The following ELK4 variants were observed in gnomAD, a reference collection of about 807,000 sequenced individuals.
ELK4 encodes the protein ETS domain-containing protein Elk-4.
A neutral mutation model predicts 29.6 loss-of-function variants in ELK4; 16 were observed. The observed-to-expected ratio is 0.54, with a 90% CI of 0.37 to 0.82. The LOEUF (loss-of-function observed/expected upper bound fraction) is 0.82. Among genes scored for constraint, ELK4 ranks in the 40% least tolerant of loss-of-function variants. ELK4 has a pLI of 0.00. For missense variants in ELK4, 465 were observed against 507.1 expected, an observed-to-expected ratio of 0.92 and a Z score of 0.80; for synonymous variants, 213 against 191.1, an observed-to-expected ratio of 1.11 and a Z score of -0.95.
rs1226387210 is a variant in ELK4, at chr1:205,631,964, G to C, written c.-342C>G. 1 of 151,312 alleles carries C rather than the reference G, an allele frequency of 6.6e-6. No individual in the cohort carries two copies. Among genetic ancestry groups the C allele is most frequent in the African/African-American group, 2.4e-5 (1 of 41,328 alleles). 9.4% of individuals were successfully genotyped at this position (151,312 alleles called of 1,614,324 possible). On this transcript the variant is annotated 5_prime_UTR_variant, in exon 1 of 5. Transcript: ENST00000357992. ...GCCTGCCAGGCCCTCCGCGGCCGCC[G>C]CCACTCTCAAACCCCCCGACTGCTC...
At chr1:205,631,446 G>A (rs1670584796) in intron 1 of ELK4, among the ~76,000 whole-genome samples, 186 bp downstream of exon 1, 1 of 151,296 alleles carries the variant, frequency 6.6e-6, no homozygotes, top group African/African-American at 2.4e-5. Flanking sequence ...GTGCGCTGCG[G>A]CGTCCACCTG....
chr1:205,623,965 TTTTAAGTGCTC>T, intron 1 of ELK4, 74 bp from the exon 2 acceptor site: 1 of 1,313,806 alleles, frequency 7.6e-7, no homozygotes, highest in Non-Finnish European at 1.1e-6. Context: ...TCATGCACTG[TTTTAAGTGCTC>T]TAAATGTATT....
In ELK4 at chr1:205,610,834, T is replaced by G. The variant is rs116045834; in HGVS notation, c.*5712A>C. The G allele has an allele frequency of 0.015, 3,537 of 230,944 alleles. 122 individuals are homozygous for G. Among genetic ancestry groups the G allele is most frequent in the African/African-American group, 0.07 (3,188 of 45,232 alleles). The allele number at this position is 230,944 out of a possible 1,614,324, so 14.3% of individuals were successfully genotyped here. ...TCAGTATATATGCATACACATACATTTACTAGGACAATAAATCAGAATGAC... is the reference window on the plus strand; with the variant it reads ...TCAGTATATATGCATACACATACATGTACTAGGACAATAAATCAGAATGAC... On this transcript the variant is annotated 3_prime_UTR_variant, in exon 5 of 5. Coordinates refer to ENST00000357992, the MANE Select transcript of ELK4 (RefSeq NM_001973.4).
At chr1:205,626,700 G>C (rs191388252) in intron 1 of ELK4, among the ~76,000 whole-genome samples, 16 of 152,326 alleles carry the variant, frequency 1.1e-4, no homozygotes, top group Admixed American at 7.2e-4. Context: ...TGGCAAGGAT[G>C]CAGAGAAATT....
chr1:205,626,142 TAC>T, intron 1 of ELK4: 1 of 713,078 alleles, frequency 1.4e-6, no homozygotes, highest in Non-Finnish European at 2.6e-6. Flanking sequence ...CCAAAGTGTC[TAC>T]AGTCTGTGAT....
Position 205,608,285 on chromosome 1 carries a change from T to A in ELK4, c.*8261A>T, listed in dbSNP as rs188826859. 6.1e-3 allele frequency: 1,195 copies of A among 196,798 alleles called. 5 individuals are homozygous for A. Among genetic ancestry groups the A allele is most frequent in the Non-Finnish European group, 8.5e-3 (809 of 94,776 alleles). The allele number at this position is 196,798 out of a possible 1,614,324, so 12.2% of individuals were successfully genotyped here. Reference sequence around the variant, plus strand: ...TGCACTGAGTATCAACTACACATTTTTTTTTTCAAGCAGCATATTATTATA... The same window carrying A: ...TGCACTGAGTATCAACTACACATTTATTTTTTCAAGCAGCATATTATTATA... On this transcript the variant is annotated 3_prime_UTR_variant, in exon 5 of 5. Transcript: ENST00000357992.
intron 1 of ELK4, 54 bp downstream of exon 1, chr1:205,631,578 C>T (rs1217031344): frequency 2.4e-5 from 4 of 166,212 alleles, no homozygotes; most frequent in Non-Finnish European, 3.8e-5. Flanking sequence ...CGCTCCCGGC[C>T]GGTGGGGCTG....
chr1:205,618,071 G>A (rs960290778), intron 4 of ELK4, among the ~76,000 whole-genome samples: 1 of 151,934 alleles, frequency 6.6e-6, no homozygotes, highest in Non-Finnish European at 1.5e-5. Context: ...TGTCACCCAG[G>A]CCGGAGTGCA....
Position 205,619,026 on chromosome 1 carries a change from G to T in ELK4, c.1128C>A (p.Phe376Leu). 1 of 1,610,878 alleles carries T rather than the reference G, an allele frequency of 6.2e-7. No individual in the cohort carries two copies. The highest frequency in any genetic ancestry group is 8.5e-7 in the Non-Finnish European group (1 of 1,178,808). Residue 376 changes from phenylalanine to leucine, a missense_variant, in exon 4 of 5, where the codon TTC becomes TTA. Coordinates refer to ENST00000357992, the MANE Select transcript of ELK4 (RefSeq NM_001973.4). ...TPSPLLSSIHFWSTLSPVAPL... is the reference protein window; with the variant it reads ...TPSPLLSSIHLWSTLSPVAPL... Reference sequence around the variant, plus strand: ...GAGCAACAGGACTGAGAGTACTCCAGAAGTGGATACTGGAGAGCAAGGGGC... The same window carrying T: ...GAGCAACAGGACTGAGAGTACTCCATAAGTGGATACTGGAGAGCAAGGGGC...
intron 1 of ELK4, among the ~76,000 whole-genome samples, chr1:205,627,486 G>T (rs1670488246): frequency 6.6e-6 from 1 of 151,508 alleles, no homozygotes; most frequent in African/African-American, 2.4e-5. Context: ...TCCAGCCTGG[G>T]TGACAGAGCG....
intron 1 of ELK4, chr1:205,626,126 C>T: frequency 1.3e-6 from 1 of 765,534 alleles, no homozygotes; most frequent in Non-Finnish European, 2.4e-6. Flanking sequence ...ACGTTGCCTA[C>T]AGTGACCAAA....
intron 1 of ELK4, among the ~76,000 whole-genome samples, chr1:205,625,326 A>G (rs1375445521): frequency 1.3e-5 from 2 of 151,876 alleles, no homozygotes; most frequent in Non-Finnish European, 2.9e-5. Context: ...TTGAAAAGAC[A>G]TCATAGCAAA....
At chr1:205,625,924 G>A (rs1208390190) in intron 1 of ELK4, 37 of 767,858 alleles carry the variant, frequency 4.8e-5, no homozygotes, top group African/African-American at 1.7e-5. Context: ...TGATCCGCCT[G>A]CCTTGGCCTC....
intron 1 of ELK4, chr1:205,625,561 C>G: frequency 5.7e-6 from 5 of 872,108 alleles, no homozygotes; most frequent in Non-Finnish European, 9.9e-6. Flanking sequence ...AAGAAATACC[C>G]GGACCGGGTG....
chr1:205,621,046 T>A (rs1419299828), intron 2 of ELK4, among the ~76,000 whole-genome samples: 1 of 151,102 alleles, frequency 6.6e-6, no homozygotes, highest in Non-Finnish European at 1.5e-5. Context: ...ACAGAAAAAA[T>A]TTGCAGGGCA....
rs138564207 is a variant in ELK4, at chr1:205,612,199, T to C, written c.*4347A>G. On this transcript the variant is annotated 3_prime_UTR_variant, in exon 5 of 5. Transcript: ENST00000357992. Reference sequence around the variant, plus strand: ...AAGAATTAATGTGAAATTTCAAAAGTTGACAATAAGCTCTCCTGAAAAACT... The same window carrying C: ...AAGAATTAATGTGAAATTTCAAAAGCTGACAATAAGCTCTCCTGAAAAACT... The C allele has an allele frequency of 1.3e-4, 26 of 202,368 alleles. 1 individual carries two copies. The highest frequency in any genetic ancestry group is 5.0e-4 in the African/African-American group (22 of 43,742). 12.5% of individuals were successfully genotyped at this position (202,368 alleles called of 1,614,324 possible). A position where few individuals can be genotyped will look rare whatever the true frequency, so the allele number is the denominator to read the frequency against.
rs1204969620 is a variant in ELK4, at chr1:205,611,299, A to T, written c.*5247T>A. ...TGCTCGGCTTACAGGTCAAAACATG[A>T]CTTGTATAGTAACAGGTTCCACCAA... On this transcript the variant is annotated 3_prime_UTR_variant, in exon 5 of 5. Coordinates refer to ENST00000357992, the MANE Select transcript of ELK4 (RefSeq NM_001973.4). The T allele has an allele frequency of 4.8e-6, 1 of 209,896 alleles. No individual in the cohort carries two copies. The highest frequency in any genetic ancestry group is 9.7e-6 in the Non-Finnish European group (1 of 103,302). The allele number at this position is 209,896 out of a possible 1,614,324, so 13.0% of individuals were successfully genotyped here. A position where few individuals can be genotyped will look rare whatever the true frequency, so the allele number is the denominator to read the frequency against.
At position 205,615,999 on chromosome 1, in the gene ELK4, G is replaced by C; in HGVS notation, c.*547C>G. 4.5e-6 allele frequency: 1 copy of C among 224,488 alleles called. No homozygotes were observed. The highest frequency in any genetic ancestry group is 6.6e-5 in the East Asian group (1 of 15,158). The allele number at this position is 224,488 out of a possible 1,614,324, so 13.9% of individuals were successfully genotyped here. ...ACAAAACAATCTCCCCAGTATGACT[G>C]CTCCAATCTTACTTTGTATGAATAG... is the stretch of plus-strand genomic sequence containing the variant. On this transcript the variant is annotated 3_prime_UTR_variant, in exon 5 of 5. Coordinates refer to ENST00000357992, the MANE Select transcript of ELK4 (RefSeq NM_001973.4).
chr1:205,609,225 T>C lies in ELK4; in HGVS notation c.*7321A>G, dbSNP rs1205312727. On this transcript the variant is annotated 3_prime_UTR_variant, in exon 5 of 5. Coordinates refer to ENST00000357992, the MANE Select transcript of ELK4 (RefSeq NM_001973.4). ...TGGTTTGTTCTTCAAAATGCAAAGT[T>C]ACATACCCTTATTTTTTAGCCAATT... 1 of 188,252 alleles carries C rather than the reference T, an allele frequency of 5.3e-6. No homozygotes were observed. Among genetic ancestry groups the C allele is most frequent in the Non-Finnish European group, 1.1e-5 (1 of 89,376 alleles). The allele number at this position is 188,252 out of a possible 1,614,324, so 11.7% of individuals were successfully genotyped here.
Sources: allele counts gnomAD v4.1 joint callset (sites outside exome capture counted in the v4.1 genomes callset), GRCh38; gene constraint gnomAD v4.1.1; transcripts MANE v1.5; gene names NCBI Gene and HGNC (gene_info 2026-07-23, HGNC 2026-07-21).